GRM4: variants seen among roughly 807,000 people sequenced by gnomAD.
GRM4 encodes glutamate metabotropic receptor 4, also known as metabotropic glutamate receptor 4.
A neutral mutation model predicts 81.7 loss-of-function variants in GRM4; 28 were observed. The ratio of observed to expected loss-of-function variants is 0.34; its 90% CI spans 0.25 to 0.47. The LOEUF (loss-of-function observed/expected upper bound fraction) is 0.47, where lower values mean the gene tolerates loss of function less well. Among genes scored for constraint, GRM4 ranks in the 20% least tolerant of loss-of-function variants. GRM4 has a pLI of 1.00. For synonymous variants in GRM4, 488 were observed against 528.8 expected, an observed-to-expected ratio of 0.92 and a Z score of 1.06; for missense variants, 948 against 1,290.0, an observed-to-expected ratio of 0.73 and a Z score of 4.06.
chr6:34,036,433 C>G lies in GRM4; in HGVS notation c.1677G>C (p.Thr559=). The G allele has an allele frequency of 6.2e-7, 1 of 1,613,528 alleles. No individual in the cohort carries two copies. Among genetic ancestry groups the G allele is most frequent in the Non-Finnish European group, 8.5e-7 (1 of 1,179,716 alleles). Residue 559 remains threonine, a synonymous_variant, in exon 9 of 11, where the codon ACG becomes ACC. Transcript: ENST00000538487. The surrounding 1 kb of genome is among the most constrained non-coding windows in gnomAD (Gnocchi z 9.0). ...QYQVDRYTCK[T]CPYDMRPTEN... ...CTGTGGGCCGCATGTCATAGGGACA[C>G]GTCTTACAGGTGTAGCGGTCCACCT...
intron 2 of GRM4, among the ~76,000 whole-genome samples, chr6:34,118,894 C>A (rs2499724): frequency 0.51 from 76,825 of 152,048 alleles, 19,688 homozygotes; most frequent in Non-Finnish European, 0.55. Context: ...TACAACTGTA[C>A]AAACTGGAAC....
intron 3 of GRM4, among the ~76,000 whole-genome samples, chr6:34,065,371 G>A (rs1217943222): frequency 1.4e-5 from 2 of 145,594 alleles, no homozygotes; most frequent in Admixed American, 6.7e-5. Context: ...AGTCTCTCTC[G>A]TTGAATAAAG....
At chr6:34,135,297 T>G (rs1159507120) in intron 1 of GRM4, among the ~76,000 whole-genome samples, 2 of 152,144 alleles carry the variant, frequency 1.3e-5, no homozygotes, top group Non-Finnish European at 2.9e-5. Context: ...CTCCTGAGCT[T>G]CTCCAGCCTT....
rs1361073686 is a variant in GRM4, at chr6:34,080,814, CT to C, written c.736+11068del. On this transcript the variant is annotated intron_variant, in intron 3 of 10. Coordinates refer to ENST00000538487, the MANE Select transcript of GRM4 (RefSeq NM_000841.4). This position sits in a 1 kb window ranked among gnomAD's most constrained non-coding sequence, Gnocchi z 5.4. ...TTGAGGGATCCTGATCCACTTCTCTCTTCTCTCTCTCTCTCTCACACACACA... is the reference window on the plus strand; with the variant it reads ...TTGAGGGATCCTGATCCACTTCTCTCTCTCTCTCTCTCTCTCACACACACA... Among the ~76,000 whole-genome samples the C allele has an allele frequency of 4.4e-5, 6 of 135,640 alleles. No homozygotes were observed. In the East Asian group the frequency reaches 1.3e-3, roughly 30 times the overall value. The allele number at this position is 135,640 out of a possible 152,430, so 89.0% of individuals were successfully genotyped here. A position where few individuals can be genotyped will look rare whatever the true frequency, so the allele number is the denominator to read the frequency against.
chr6:34,099,130 G>T (rs1251256192), intron 2 of GRM4, among the ~76,000 whole-genome samples: 1 of 152,236 alleles, frequency 6.6e-6, no homozygotes, highest in Non-Finnish European at 1.5e-5. Context: ...ATGGGCAAGG[G>T]AAGAGCCACA....
Position 34,152,124 on chromosome 6 carries a change from A to G in GRM4, c.312+2955T>C, listed in dbSNP as rs1045721214. ...GAATACCAGGTGGGCCCCTCTGTCA[A>G]TGTCCCCCTACCACACTCTAGCCTT... On this transcript the variant is annotated intron_variant, in intron 1 of 8. Transcript: ENST00000374177. This position sits in a 1 kb window ranked among gnomAD's most constrained non-coding sequence, Gnocchi z 4.1. Among the ~76,000 whole-genome samples the G allele has an allele frequency of 2.6e-5, 4 of 152,158 alleles. No individual in the cohort carries two copies. Among genetic ancestry groups the G allele is most frequent in the Admixed American group, 6.5e-5 (1 of 15,290 alleles).
rs187872751 is a variant in GRM4 at position 34,078,606 on chromosome 6, G to A, written c.736+13277C>T. On this transcript the variant is annotated intron_variant, in intron 3 of 10. Coordinates refer to ENST00000538487, the MANE Select transcript of GRM4 (RefSeq NM_000841.4). This position sits in a 1 kb window ranked among gnomAD's most constrained non-coding sequence, Gnocchi z 4.8. ...GCCTGTTTCCTACCTGTGAAATGGG[G>A]TGGGCATGGAGGCTCAGGGAGATGG... 6.6e-6 allele frequency among the ~76,000 whole-genome samples: 1 copy of A among 152,206 alleles called. No individual in the cohort carries two copies. The highest frequency in any genetic ancestry group is 2.4e-5 in the African/African-American group (1 of 41,500).
chr6:34,098,307 C>T (rs1248445111), intron 2 of GRM4, among the ~76,000 whole-genome samples: 1 of 152,184 alleles, frequency 6.6e-6, no homozygotes, highest in East Asian at 1.9e-4. Context: ...GAGTATCTCA[C>T]CAGGAGATGT....
intron 2 of GRM4, among the ~76,000 whole-genome samples, chr6:34,116,215 G>T (rs984584525): frequency 6.6e-6 from 1 of 152,168 alleles, no homozygotes; most frequent in African/African-American, 2.4e-5. Context: ...AATGAGCACC[G>T]GCTTCAGGGA....
intron 3 of GRM4, among the ~76,000 whole-genome samples, chr6:34,086,475 G>A (rs564591004): frequency 3.3e-5 from 5 of 152,200 alleles, no homozygotes; most frequent in Non-Finnish European, 5.9e-5. Context: ...CAAGGAACGA[G>A]ACATCCTCCA....
intron 5 of GRM4, among the ~76,000 whole-genome samples, chr6:34,057,316 G>A (rs1230787200): frequency 6.6e-6 from 1 of 152,194 alleles, no homozygotes; most frequent in East Asian, 1.9e-4. Context: ...TCTAGGCACT[G>A]TGGACTGAGC....
At chr6:34,138,619 GTAGGACAGGACAGGAA>G in intron 1 of GRM4, among the ~76,000 whole-genome samples, 1 of 152,214 alleles carries the variant, frequency 6.6e-6, no homozygotes, top group African/African-American at 2.4e-5. Context: ...GGTGTGGTTT[GTAGGACAGGACAGGAA>G]TCGGGTTGTC....
chr6:34,079,356 C>T (rs961303835), intron 3 of GRM4, among the ~76,000 whole-genome samples: 1 of 152,160 alleles, frequency 6.6e-6, no homozygotes, highest in African/African-American at 2.4e-5. Context: ...AGCCTCCCTT[C>T]CCCGACTCCT....
chr6:34,091,830 T>C lies in GRM4; in HGVS notation c.736+53A>G, dbSNP rs749871189. The stretch of plus-strand genomic sequence containing the variant: ...GGAGCTCCTGGTGGGTCAGTCACTG[T>C]GCCGGGACACCCCCGAGCCTGGCAT... On this transcript the variant is annotated intron_variant, in intron 3 of 10. Transcript: ENST00000538487. The C allele has an allele frequency of 1.2e-5, 16 of 1,347,316 alleles. No individual in the cohort carries two copies. The South Asian group carries it at 1.6e-4, about 13-fold the overall frequency. 83.5% of individuals were successfully genotyped at this position (1,347,316 alleles called of 1,614,324 possible). A position where few individuals can be genotyped will look rare whatever the true frequency, so the allele number is the denominator to read the frequency against.
chr6:34,094,837 G>C (rs1482465873), intron 2 of GRM4, among the ~76,000 whole-genome samples: 2 of 152,176 alleles, frequency 1.3e-5, no homozygotes, highest in Non-Finnish European at 2.9e-5. Context: ...GGCGGCAAAT[G>C]GAAACAGAGG....
rs184091980 is a variant in GRM4 at position 34,086,888 on chromosome 6, A to G, written c.736+4995T>C. Among the ~76,000 whole-genome samples, 761 of 152,342 alleles carry G rather than the reference A, an allele frequency of 5.0e-3. 3 individuals are homozygous for G. The highest frequency in any genetic ancestry group is 7.9e-3 in the Non-Finnish European group (536 of 68,024). ...TATAATCCCAGCACTTTGGGAGACC[A>G]AAGTGGGAGCATCACTTGAGCCCAG... is the stretch of plus-strand genomic sequence containing the variant. On this transcript the variant is annotated intron_variant, in intron 3 of 10. Coordinates refer to ENST00000538487, the MANE Select transcript of GRM4 (RefSeq NM_000841.4).
At position 34,080,871 on chromosome 6, in the gene GRM4, TACACACAC is replaced by T. The variant is rs3041182; in HGVS notation, c.736+11004_736+11011del. Among the ~76,000 whole-genome samples the T allele has an allele frequency of 1.6e-5, 2 of 123,124 alleles. No homozygotes were observed. Among genetic ancestry groups the T allele is most frequent in the African/African-American group, 7.4e-5 (2 of 26,906 alleles). The allele number at this position is 123,124 out of a possible 152,430, so 80.8% of individuals were successfully genotyped here. A position where few individuals can be genotyped will look rare whatever the true frequency, so the allele number is the denominator to read the frequency against. On this transcript the variant is annotated intron_variant, in intron 3 of 10. Transcript: ENST00000538487. This position sits in a 1 kb window ranked among gnomAD's most constrained non-coding sequence, Gnocchi z 5.4. ...ATACACACACACATACACATACATA[TACACACAC>T]ACACACACACAACCCTTACCATGCC...
intron 9 of GRM4, among the ~76,000 whole-genome samples, chr6:34,028,926 G>A (rs775437842): frequency 6.6e-6 from 1 of 152,168 alleles, no homozygotes; most frequent in Non-Finnish European, 1.5e-5. Flanking sequence ...TGGGATCCTC[G>A]GCACCCATCG....
chr6:34,106,551 C>G (rs1423110236), intron 2 of GRM4, among the ~76,000 whole-genome samples: 2 of 152,340 alleles, frequency 1.3e-5, no homozygotes, highest in African/African-American at 4.8e-5. Flanking sequence ...CCACCCTCCC[C>G]CTCACTCACC....
Sources: gnomAD v4.1 joint callset for allele counts (sites outside exome capture counted in the v4.1 genomes callset) on GRCh38, gnomAD v4.1.1 for gene constraint, Gnocchi (gnomAD v3.1) non-coding constraint, MANE v1.5 for transcripts, NCBI Gene and HGNC (gene_info 2026-07-23, HGNC 2026-07-21) for gene names.